Variants in FABP7 observed in about 807,000 individuals in gnomAD.
The protein encoded by FABP7 is fatty acid-binding protein, brain.
Under a neutral mutation model 14.2 loss-of-function variants are expected in FABP7, and 13 were observed. That is an observed-to-expected ratio of 0.91 (90% CI 0.59 to 1.45). FABP7 has a LOEUF of 1.45. Ranked by LOEUF, FABP7 falls within the 40% of genes most tolerant of loss-of-function variation. The pLI, the probability that FABP7 is intolerant of heterozygous loss-of-function variation, is 0.00. For synonymous variants in FABP7, 49 were observed against 51.4 expected (o/e 0.95, Z 0.20); for missense variants, 149 against 157.6 (o/e 0.95, Z 0.29).
rs766111075 is a variant in FABP7, at chr6:122,780,322, T to C, written c.105T>C (p.Asn35=). 9 of 1,614,130 alleles carry C rather than the reference T, an allele frequency of 5.6e-6. No individual in the cohort carries two copies. Among genetic ancestry groups the C allele is most frequent in the Non-Finnish European group, 6.8e-6 (8 of 1,180,032 alleles). ...GVGFATRQVG[N]VTKPTVIISQ... ...GCTTTGCCACTAGGCAGGTGGGAAA[T>C]GTGACCAAACCAACGGTAATTATCA... The change falls in exon 2 of 4, where the codon AAT becomes AAC. Residue 35 remains asparagine (N), a synonymous_variant. Transcript: ENST00000368444.
chr6:122,752,482 C>CTAA, the FABP7 span, among the ~76,000 whole-genome samples: 1 of 152,176 alleles, frequency 6.6e-6, no homozygotes, highest in Non-Finnish European at 1.5e-5. Context: ...GGATTTCTTT[C>CTAA]CTCTAAATGT....
In FABP7 at chr6:122,783,494, A is replaced by C. The variant is rs556771103; in HGVS notation, c.349-223A>C. On this transcript the variant is annotated intron_variant, in intron 3 of 3. Coordinates refer to ENST00000368444, the MANE Select transcript of FABP7 (RefSeq NM_001446.5). ...GGCTAAAGAAATTCTTTTGACTTGA[A>C]TCTAAAGTGCTAATCCCAGTGTTTG... 13 of 985,470 alleles carry C rather than the reference A, an allele frequency of 1.3e-5. No homozygotes were observed. The East Asian group carries it at 1.2e-3, about 94-fold the overall frequency. 61.0% of individuals were successfully genotyped at this position (985,470 alleles called of 1,614,324 possible).
At chr6:122,749,682 T>G in the FABP7 span, among the ~76,000 whole-genome samples, 37 of 152,350 alleles carry the variant, frequency 2.4e-4, no homozygotes, top group African/African-American at 8.7e-4. Flanking sequence ...GTGGGCAGTT[T>G]CCTTGCCAGT....
intron 2 of FABP7, 83 bp from the exon 3 acceptor site, chr6:122,781,010 T>A: frequency 6.8e-7 from 1 of 1,470,870 alleles, no homozygotes; most frequent in South Asian, 1.5e-5. Context: ...ATTATACAAC[T>A]CTTTCAAAAA....
the FABP7 span, among the ~76,000 whole-genome samples, chr6:122,765,521 T>C: frequency 2.6e-5 from 4 of 152,074 alleles, no homozygotes. Flanking sequence ...TTCTTGGTAA[T>C]CTGTGCCTCT....
intron 3 of FABP7, chr6:122,783,264 G>A (rs1425855972): frequency 2.0e-6 from 2 of 985,312 alleles, no homozygotes; most frequent in African/African-American, 3.5e-5. Context: ...TGTTCCTCTT[G>A]ATTTTGGAAC....
At chr6:122,777,542 T>C (rs943248685), upstream of FABP7, among the ~76,000 whole-genome samples, 1 of 152,214 alleles carries the variant, frequency 6.6e-6, no homozygotes, top group Non-Finnish European at 1.5e-5. Flanking sequence ...AGACTCTTTG[T>C]GTCAATAAGA....
the FABP7 span, among the ~76,000 whole-genome samples, chr6:122,764,246 G>A: frequency 6.6e-6 from 1 of 152,150 alleles, no homozygotes; most frequent in Admixed American, 6.6e-5. Context: ...TAGGGACATG[G>A]ATGAAGCTGG....
At position 122,784,070 on chromosome 6, in the gene FABP7, T is replaced by A; in HGVS notation, c.*303T>A. 1 of 260,848 alleles carries A rather than the reference T, an allele frequency of 3.8e-6. No homozygotes were observed. Among genetic ancestry groups the A allele is most frequent in the Non-Finnish European group, 7.0e-6 (1 of 143,644 alleles). The allele number at this position is 260,848 out of a possible 1,614,324, so 16.2% of individuals were successfully genotyped here. On this transcript the variant is annotated 3_prime_UTR_variant, in exon 4 of 4. Coordinates refer to ENST00000368444, the MANE Select transcript of FABP7 (RefSeq NM_001446.5). ...CAAATTTGAATAAAAATCTTACACGTGAAATTTTGTTGTTGTTTCTAATAT... is the reference window on the plus strand; with the variant it reads ...CAAATTTGAATAAAAATCTTACACGAGAAATTTTGTTGTTGTTTCTAATAT...
intron 3 of FABP7, chr6:122,783,476 G>T: frequency 1.0e-6 from 1 of 985,428 alleles, no homozygotes; most frequent in Non-Finnish European, 1.2e-6. Flanking sequence ...TAAGGCTAAA[G>T]AAATTCTTTT....
chr6:122,754,027 G>A, the FABP7 span, among the ~76,000 whole-genome samples: 1 of 152,110 alleles, frequency 6.6e-6, no homozygotes, highest in Non-Finnish European at 1.5e-5. Flanking sequence ...CTTAGGCATG[G>A]AAAGTTAGGG....
At chr6:122,749,784 T>G in the FABP7 span, among the ~76,000 whole-genome samples, 1 of 152,230 alleles carries the variant, frequency 6.6e-6, no homozygotes, top group African/African-American at 2.4e-5. Context: ...GTCAAATGAT[T>G]TCTCACAGAC....
chr6:122,758,891 A>C, the FABP7 span, among the ~76,000 whole-genome samples: 1 of 152,202 alleles, frequency 6.6e-6, no homozygotes, highest in Admixed American at 6.5e-5. Flanking sequence ...TAAAACATAA[A>C]AATTATTTAG....
At chr6:122,782,275 A>G in intron 3 of FABP7, 1 of 848,112 alleles carries the variant, frequency 1.2e-6, no homozygotes. Flanking sequence ...AACAGAAATG[A>G]ATTTTCTCAG....
At chr6:122,783,245 A>G in intron 3 of FABP7, 1 of 985,490 alleles carries the variant, frequency 1.0e-6, no homozygotes, top group Non-Finnish European at 1.2e-6. Flanking sequence ...GAATATTTGT[A>G]CCTTTACATG....
the FABP7 span, among the ~76,000 whole-genome samples, chr6:122,755,156 A>T: frequency 1.3e-5 from 2 of 152,116 alleles, no homozygotes; most frequent in African/African-American, 2.4e-5. Context: ...CTTATATGCC[A>T]TGATCTATTG....
At chr6:122,753,675 G>T in the FABP7 span, among the ~76,000 whole-genome samples, 6 of 151,562 alleles carry the variant, frequency 4.0e-5, no homozygotes, top group African/African-American at 1.5e-4. Flanking sequence ...AGCAACAAAA[G>T]AACGAAAGCA....
At chr6:122,780,235 T>A in intron 1 of FABP7, 56 bp from the exon 2 acceptor site, 1 of 1,573,812 alleles carries the variant, frequency 6.4e-7, no homozygotes, top group Non-Finnish European at 8.7e-7. Flanking sequence ...AGATTCTTGC[T>A]TTGTGAGTTA....
chr6:122,763,988 C>A, the FABP7 span, among the ~76,000 whole-genome samples: 1 of 152,182 alleles, frequency 6.6e-6, no homozygotes, highest in Non-Finnish European at 1.5e-5. Context: ...GAAGGCGATT[C>A]CTCAAGGATC....
Sources: allele counts gnomAD v4.1 joint callset (sites outside exome capture counted in the v4.1 genomes callset), GRCh38; gene constraint gnomAD v4.1.1; transcripts MANE v1.5; gene names NCBI Gene and HGNC (gene_info 2026-07-23, HGNC 2026-07-21).